DNAH11: variants seen among roughly 807,000 people sequenced by gnomAD.
DNAH11 encodes axonemal beta dynein heavy chain 11.
A neutral mutation model predicts 526.0 loss-of-function variants in DNAH11; 442 were observed. The observed-to-expected ratio is 0.84, with a 90% confidence interval of 0.78 to 0.91. The LOEUF is 0.91. DNAH11 is among the 40% of genes least tolerant of loss of function. The pLI is 0.00. For synonymous variants in DNAH11, 2,461 were observed against 1,935.9 expected (o/e 1.27, Z -7.12); for missense variants, 6,989 against 5,448.7 (o/e 1.28, Z -8.90).
chr7:21,788,344 C>G (rs1259613647), intron 60 of DNAH11, among the ~76,000 whole-genome samples: 1 of 152,102 alleles, frequency 6.6e-6, no homozygotes, highest in African/African-American at 2.4e-5. Context: ...CTGTGGGGCC[C>G]ACAGGGATAG....
chr7:21,577,766 T>C (rs1026283885), intron 8 of DNAH11, among the ~76,000 whole-genome samples: 1 of 152,112 alleles, frequency 6.6e-6, no homozygotes, highest in Non-Finnish European at 1.5e-5. Context: ...CAGAGTCTTA[T>C]AACAATATGA....
intron 65 of DNAH11, among the ~76,000 whole-genome samples, chr7:21,831,767 C>G (rs1184425061): frequency 6.6e-6 from 1 of 152,152 alleles, no homozygotes; most frequent in Non-Finnish European, 1.5e-5. Context: ...GAGGTTAACT[C>G]AGATACTTGA....
rs771254951 is a variant in DNAH11 at position 21,744,435 on chromosome 7, T to C, written c.8155-3T>C. 3 of 1,613,270 alleles carry C rather than the reference T, an allele frequency of 1.9e-6. No individual in the cohort carries two copies. Among genetic ancestry groups the C allele is most frequent in the South Asian group, 1.1e-5 (1 of 90,832 alleles). On this transcript the variant is annotated splice_region_variant and splice_polypyrimidine_tract_variant and intron_variant, in intron 49 of 81. Transcript: ENST00000409508. Reference sequence around the variant, plus strand: ...AGGTATTTTCCCCATTCTTGCCTTGTAGGGGATTTTATTTGCTTCTCCTGA... The same window carrying C: ...AGGTATTTTCCCCATTCTTGCCTTGCAGGGGATTTTATTTGCTTCTCCTGA...
chr7:21,797,316 T>C (rs773648382), intron 61 of DNAH11, among the ~76,000 whole-genome samples: 15 of 148,182 alleles, frequency 1.0e-4, no homozygotes, highest in Non-Finnish European at 1.9e-4. Context: ...ACCTCCGAGG[T>C]TCAAGCAGTT....
At chr7:21,673,021 G>A (rs1164718167) in intron 30 of DNAH11, among the ~76,000 whole-genome samples, 3 of 152,144 alleles carry the variant, frequency 2.0e-5, no homozygotes, top group South Asian at 2.1e-4. Context: ...TCAAGATTGT[G>A]TCTTTTCCTT....
At chr7:21,578,723 C>A (rs1462363866) in intron 8 of DNAH11, among the ~76,000 whole-genome samples, 1 of 152,184 alleles carries the variant, frequency 6.6e-6, no homozygotes, top group Non-Finnish European at 1.5e-5. Flanking sequence ...TCCATACATT[C>A]TCTGAAATCT....
chr7:21,874,815 TCTTC>T (rs2128039529), intron 74 of DNAH11, among the ~76,000 whole-genome samples: 1 of 152,252 alleles, frequency 6.6e-6, no homozygotes, highest in Admixed American at 6.5e-5. Context: ...TGCTCTGAGA[TCTTC>T]CTTCCTTCCT....
In DNAH11 at chr7:21,558,809, T is replaced by G; in HGVS notation, c.503T>G (p.Val168Gly). The G allele has an allele frequency of 1.3e-6, 2 of 1,579,576 alleles. No homozygotes were observed. Among genetic ancestry groups the G allele is most frequent in the African/African-American group, 1.4e-5 (1 of 73,214 alleles). Residue 168 changes from valine to glycine, a missense_variant, in exon 3 of 82, where the codon GTG (valine) becomes GGG (glycine). Coordinates refer to ENST00000409508, the MANE Select transcript of DNAH11 (RefSeq NM_001277115.2). ...HVSAFLDEIL[V>G]PVLSNKNNHK... ...ATGTTTCTCTTTCTCTAGATTTTAG[T>G]GCCAGTTCTTTCTAATAAGAACAAC... is the stretch of plus-strand genomic sequence containing the variant.
Position 21,892,577 on chromosome 7 carries a change from G to A in DNAH11, c.12660G>A (p.Val4220=). The change falls in exon 77 of 82, where the codon GTG becomes GTA. Residue 4220 remains valine (V), a synonymous_variant. Transcript: ENST00000409508. ...ATGCTGAAATAGAATTCCTGACAGT[G>A]ACATCCAACACTCTCTTCAGAACTT... ...HPNAEIEFLT[V]TSNTLFRTLL... is the part of the protein sequence containing the mutation. 1 of 1,613,914 alleles carries A rather than the reference G, an allele frequency of 6.2e-7. No individual in the cohort carries two copies. The highest frequency in any genetic ancestry group is 2.2e-5 in the East Asian group (1 of 44,882).
intron 8 of DNAH11, among the ~76,000 whole-genome samples, chr7:21,580,291 T>A (rs1784261411): frequency 6.6e-6 from 1 of 152,220 alleles, no homozygotes; most frequent in African/African-American, 2.4e-5. Context: ...ATGTTAGGCG[T>A]GTTAAAACTT....
chr7:21,589,423 A>C lies in DNAH11; in HGVS notation c.2169+20A>C. ...CCAAAGGTAGGGATTTGATTTTTTAAGATGATTTATAAGTGCCCTTTTTAT... is the reference window on the plus strand; with the variant it reads ...CCAAAGGTAGGGATTTGATTTTTTACGATGATTTATAAGTGCCCTTTTTAT... On this transcript the variant is annotated intron_variant, in intron 12 of 81. Transcript: ENST00000409508. 1.9e-6 allele frequency: 3 copies of C among 1,579,954 alleles called. No individual in the cohort carries two copies.
intron 40 of DNAH11, among the ~76,000 whole-genome samples, chr7:21,709,206 A>G (rs532000274): frequency 2.0e-5 from 3 of 152,314 alleles, no homozygotes; most frequent in African/African-American, 7.2e-5. Flanking sequence ...ATTAAAGAAA[A>G]CATGGTACAT....
intron 9 of DNAH11, among the ~76,000 whole-genome samples, chr7:21,586,365 C>T (rs890433164): frequency 1.3e-5 from 2 of 152,266 alleles, no homozygotes; most frequent in Non-Finnish European, 2.9e-5. Context: ...CCAAACTCAA[C>T]AAAACAATGA....
intron 37 of DNAH11, 64 bp from the exon 38 acceptor site, chr7:21,704,370 T>A: frequency 6.8e-7 from 1 of 1,473,244 alleles, no homozygotes; most frequent in South Asian, 1.3e-5. Flanking sequence ...AACAAACATC[T>A]TTAGTTTTTT....
chr7:21,770,094 A>G (rs566183298), intron 55 of DNAH11, among the ~76,000 whole-genome samples: 1 of 152,332 alleles, frequency 6.6e-6, no homozygotes, highest in East Asian at 1.9e-4. Context: ...GTGTAATGGC[A>G]GTAATCTTAC....
At chr7:21,728,852 T>A (rs1459736634) in intron 45 of DNAH11, among the ~76,000 whole-genome samples, 1 of 152,154 alleles carries the variant, frequency 6.6e-6, no homozygotes, top group Admixed American at 6.5e-5. Context: ...GCAGAGCAAA[T>A]TCCTTTAGAT....
In DNAH11 at chr7:21,810,764, A is replaced by T. The variant is rs566194465; in HGVS notation, c.10332+2715A>T. ...TAGGCAGGTAAGCCAGAAAGAAAGG[A>T]GGTGAGGAAAGTCAAGCAGTGACTA... On this transcript the variant is annotated intron_variant, in intron 63 of 81. Coordinates refer to ENST00000409508, the MANE Select transcript of DNAH11 (RefSeq NM_001277115.2). Among the ~76,000 whole-genome samples, 126 of 152,254 alleles carry T rather than the reference A, an allele frequency of 8.3e-4. 1 individual carries two copies. Among genetic ancestry groups the T allele is most frequent in the African/African-American group, 2.8e-3 (118 of 41,556 alleles).
At chr7:21,555,686 C>T (rs144702163) in intron 2 of DNAH11, among the ~76,000 whole-genome samples, 2 of 152,322 alleles carry the variant, frequency 1.3e-5, no homozygotes, top group African/African-American at 4.8e-5. Context: ...TTGTGCATGA[C>T]GTTGCCTGGT....
Position 21,750,290 on chromosome 7 carries a change from C to T in DNAH11, c.8866C>T (p.His2956Tyr). Residue 2956 changes from histidine to tyrosine, a missense_variant, in exon 54 of 82, where the codon CAT (histidine) becomes TAT (tyrosine). Coordinates refer to ENST00000409508, the MANE Select transcript of DNAH11 (RefSeq NM_001277115.2). ...AATTTCTGGAATTCATAATGAAGTT[C>T]ATGCTCTGGGCATGGTAGACTCCAG... is the stretch of plus-strand genomic sequence containing the variant. Reference protein sequence around the residue: ...KIISGIHNEVHALGMVDSREN... With the variant: ...KIISGIHNEVYALGMVDSREN... The T allele has an allele frequency of 6.2e-7, 1 of 1,604,734 alleles. No homozygotes were observed. Among genetic ancestry groups the T allele is most frequent in the Admixed American group, 1.7e-5 (1 of 58,838 alleles).
Sources: allele counts gnomAD v4.1 joint callset (sites outside exome capture counted in the v4.1 genomes callset), GRCh38; gene constraint gnomAD v4.1.1; transcripts MANE v1.5; gene names NCBI Gene and HGNC (gene_info 2026-07-23, HGNC 2026-07-21).